Variants in KCNAB3 observed in about 807,000 individuals in gnomAD.
KCNAB3 encodes the protein voltage-gated potassium channel subunit beta-3.
Under a neutral mutation model 67.7 loss-of-function variants are expected in KCNAB3, and 62 were observed. The observed-to-expected ratio is 0.92, with a 90% CI of 0.75 to 1.13. The LOEUF is 1.13. Ranked by LOEUF, KCNAB3 falls within the 50% of genes most tolerant of loss-of-function variation. KCNAB3 has a pLI of 0.00. For missense variants in KCNAB3, 514 were observed against 522.9 expected (o/e 0.98, Z 0.17); for synonymous variants, 212 against 205.4 (o/e 1.03, Z -0.27).
intron 4 of KCNAB3, chr17:7,927,089 C>T (rs1233606495): frequency 4.0e-6 from 2 of 498,476 alleles, no homozygotes; most frequent in East Asian, 6.8e-5. Flanking sequence ...TTTGTAGTTG[C>T]ACATAACTAA....
At chr17:7,927,226 G>T in intron 4 of KCNAB3, 118 bp downstream of exon 4, 2 of 957,750 alleles carry the variant, frequency 2.1e-6, no homozygotes, top group Non-Finnish European at 3.3e-6. Context: ...TCCGCCAAAA[G>T]GTTGGAACTT....
chr17:7,924,697 A>G, intron 8 of KCNAB3, 197 bp from the exon 9 acceptor site: 2 of 1,360,180 alleles, frequency 1.5e-6, no homozygotes, highest in African/African-American at 2.9e-5. Context: ...AGGCCTTCTG[A>G]GCAGGGGCTG....
chr17:7,923,595 T>A (rs556201928), intron 12 of KCNAB3, 51 bp from the exon 13 acceptor site: 9 of 1,561,822 alleles, frequency 5.8e-6, no homozygotes, highest in Middle Eastern at 1.7e-4. Context: ...AGTGACCACA[T>A]AGATTTCAGA....
chr17:7,926,231 T>G lies in KCNAB3; in HGVS notation c.405-128A>C, dbSNP rs563101432. On this transcript the variant is annotated intron_variant, in intron 4 of 13. Coordinates refer to ENST00000303790, the MANE Select transcript of KCNAB3 (RefSeq NM_004732.4). ...GAGTCCATTTCAGCTCACAGCCCCA[T>G]CCTGGACAAAATAAGAGGTCTGTTG... The G allele has an allele frequency of 1.2e-3, 1,196 of 999,274 alleles. 19 individuals carry two copies. In the South Asian group the frequency reaches 0.016, roughly 14 times the overall value. 61.9% of individuals were successfully genotyped at this position (999,274 alleles called of 1,614,324 possible). A position where few individuals can be genotyped will look rare whatever the true frequency, so the allele number is the denominator to read the frequency against.
chr17:7,926,884 T>C (rs765669801), intron 4 of KCNAB3, among the ~76,000 whole-genome samples: 2 of 152,094 alleles, frequency 1.3e-5, no homozygotes, highest in East Asian at 1.9e-4. Context: ...CAGTCCACAG[T>C]GCTTTAGGAG....
In KCNAB3 at chr17:7,923,699, G is replaced by T; in HGVS notation, c.1048+12C>A. 1 of 1,556,480 alleles carries T rather than the reference G, an allele frequency of 6.4e-7. No homozygotes were observed. The highest frequency in any genetic ancestry group is 1.4e-5 in the African/African-American group (1 of 73,516). On this transcript the variant is annotated intron_variant, in intron 12 of 13. Transcript: ENST00000303790. The stretch of plus-strand genomic sequence containing the variant: ...GGAGGAGACAGGGCCCCTGCAGGGT[G>T]CAATGTCTCACCAATAGCAAGCTGG...
Position 7,929,802 on chromosome 17 carries a change from C to G in KCNAB3, c.-367G>C. On this transcript the variant is annotated 5_prime_UTR_variant, in exon 1 of 14. Transcript: ENST00000303790. The surrounding 1 kb of genome is among the most constrained non-coding windows in gnomAD (Gnocchi z 5.7). ...GCGGGAGAGAGATGCCACTTCAGCG[C>G]GAACCGCTGCGGGACCCGCTGGGCT... 1 of 1,064,156 alleles carries G rather than the reference C, an allele frequency of 9.4e-7. No homozygotes were observed. The highest frequency in any genetic ancestry group is 1.1e-6 in the Non-Finnish European group (1 of 878,460). 65.9% of individuals were successfully genotyped at this position (1,064,156 alleles called of 1,614,324 possible). A position where few individuals can be genotyped will look rare whatever the true frequency, so the allele number is the denominator to read the frequency against.
At position 7,929,366 on chromosome 17, in the gene KCNAB3, G is replaced by A. The variant is rs763853456; in HGVS notation, c.70C>T (p.Pro24Ser). The change falls in exon 1 of 14, where the codon CCC becomes TCC. Residue 24 changes from proline (P) to serine (S), a missense_variant. By Grantham distance (74) the Pro-to-Ser change is moderately conservative. Transcript: ENST00000303790. The surrounding 1 kb of genome is among the most constrained non-coding windows in gnomAD (Gnocchi z 5.7). ...SRSSEDRLCGPRPGPGGGNGG... is the reference protein window; with the variant it reads ...SRSSEDRLCGSRPGPGGGNGG... ...TTACCGCCCCCGGGGCCCGGCCGGG[G>A]TCCACACAGACGGTCCTCACTGCTC... 6.5e-6 allele frequency: 10 copies of A among 1,549,078 alleles called. No homozygotes were observed. Among genetic ancestry groups the A allele is most frequent in the South Asian group, 3.6e-5 (3 of 84,094 alleles).
Position 7,929,453 on chromosome 17 carries a change from G to C in KCNAB3, c.-18C>G, listed in dbSNP as rs769942130. 1.3e-6 allele frequency: 2 copies of C among 1,545,802 alleles called. No homozygotes were observed. The highest frequency in any genetic ancestry group is 2.4e-5 in the South Asian group (2 of 83,890). On this transcript the variant is annotated 5_prime_UTR_variant, in exon 1 of 14. Transcript: ENST00000303790. The surrounding 1 kb of genome is among the most constrained non-coding windows in gnomAD (Gnocchi z 5.7). ...ACCTGCATGCTGGCTGGCCGAGGCG[G>C]GGGAGGGGGCTCCGAGGGGACGGGA...
intron 8 of KCNAB3, 117 bp from the exon 9 acceptor site, chr17:7,924,617 G>A: frequency 7.0e-7 from 1 of 1,437,518 alleles, no homozygotes; most frequent in South Asian, 1.6e-5. Flanking sequence ...AGTCATGAAA[G>A]TTAATATCTA....
At position 7,929,600 on chromosome 17, in the gene KCNAB3, G is replaced by A. The variant is rs1162847659; in HGVS notation, c.-165C>T. ...CAGGCAGGATCGGGCCCGCGGGGGC[G>A]GGCTGCTGGAGGTCGCGAGGTTTGC... On this transcript the variant is annotated 5_prime_UTR_variant, in exon 1 of 14. Coordinates refer to ENST00000303790, the MANE Select transcript of KCNAB3 (RefSeq NM_004732.4). The surrounding 1 kb of genome is among the most constrained non-coding windows in gnomAD (Gnocchi z 5.7). The A allele has an allele frequency of 3.5e-6, 5 of 1,436,716 alleles. No homozygotes were observed. The highest frequency in any genetic ancestry group is 2.6e-4 in the Middle Eastern group (1 of 3,886). 89.0% of individuals were successfully genotyped at this position (1,436,716 alleles called of 1,614,324 possible).
chr17:7,923,600 T>G (rs1972121839), intron 12 of KCNAB3, 56 bp from the exon 13 acceptor site: 1 of 1,559,472 alleles, frequency 6.4e-7, no homozygotes, highest in African/African-American at 1.4e-5. Context: ...CCACATAGAT[T>G]TCAGAAGTGT....
rs112523566 is a variant in KCNAB3 at position 7,922,448 on chromosome 17, T to C, written c.*654A>G. ...GTTTTCCAAGGACCACCCCGGCCAC[T>C]TTCACCAGACTGCAGCGTAGATGTG... On this transcript the variant is annotated 3_prime_UTR_variant, in exon 14 of 14. Transcript: ENST00000303790. 432 of 152,342 alleles carry C rather than the reference T, an allele frequency of 2.8e-3. No homozygotes were observed. Among genetic ancestry groups the C allele is most frequent in the Non-Finnish European group, 4.4e-3 (298 of 68,052 alleles). The allele number at this position is 152,342 out of a possible 1,614,324, so 9.4% of individuals were successfully genotyped here. A position where few individuals can be genotyped will look rare whatever the true frequency, so the allele number is the denominator to read the frequency against.
At chr17:7,923,308 T>G (rs1598031773) in intron 13 of KCNAB3, 129 bp from the exon 14 acceptor site, 1 of 1,244,024 alleles carries the variant, frequency 8.0e-7, no homozygotes, top group South Asian at 1.2e-5. Flanking sequence ...GCTGTGCCGG[T>G]GCCTCGCTTT....
At chr17:7,927,599 C>T (rs1351845892) in intron 3 of KCNAB3, 58 bp downstream of exon 3, 2 of 1,601,352 alleles carry the variant, frequency 1.2e-6, no homozygotes, top group Non-Finnish European at 1.7e-6. Flanking sequence ...AGGTTCACTT[C>T]CCTTTTTTCA....
intron 4 of KCNAB3, 76 bp from the exon 5 acceptor site, chr17:7,926,179 T>C: frequency 6.4e-7 from 1 of 1,551,500 alleles, no homozygotes; most frequent in Non-Finnish European, 8.9e-7. Context: ...CACCTTTTCC[T>C]CTCTTGCAAA....
Position 7,922,936 on chromosome 17 carries a change from G to A in KCNAB3, c.*166C>T. On this transcript the variant is annotated 3_prime_UTR_variant, in exon 14 of 14. Transcript: ENST00000303790. ...CTCGACCCCACTGCAAAAGGATATG[G>A]CTTTGTTCATGCGTATCACTACTCG... is the stretch of plus-strand genomic sequence containing the variant. 1.5e-6 allele frequency: 1 copy of A among 656,602 alleles called. No homozygotes were observed. Among genetic ancestry groups the A allele is most frequent in the Non-Finnish European group, 2.7e-6 (1 of 364,406 alleles). 40.7% of individuals were successfully genotyped at this position (656,602 alleles called of 1,614,324 possible). A position where few individuals can be genotyped will look rare whatever the true frequency, so the allele number is the denominator to read the frequency against.
In KCNAB3 at chr17:7,929,841, G is replaced by GCAGC. The variant is rs1972368073; in HGVS notation, c.-410_-407dup. On this transcript the variant is annotated 5_prime_UTR_variant, in exon 1 of 14. Coordinates refer to ENST00000303790, the MANE Select transcript of KCNAB3 (RefSeq NM_004732.4). This position sits in a 1 kb window ranked among gnomAD's most constrained non-coding sequence, Gnocchi z 5.7. ...ACCCGCTGGGCTCCCAGCCGCGTCGGCAGCGGGCCCAGCTCATCAGCATGC... is the reference window on the plus strand; with the variant it reads ...ACCCGCTGGGCTCCCAGCCGCGTCGGCAGCCAGCGGGCCCAGCTCATCAGCATGC... 1 of 1,076,380 alleles carries GCAGC rather than the reference G, an allele frequency of 9.3e-7. No individual in the cohort carries two copies. The highest frequency in any genetic ancestry group is 2.6e-5 in the South Asian group (1 of 38,134). The allele number at this position is 1,076,380 out of a possible 1,614,324, so 66.7% of individuals were successfully genotyped here.
intron 9 of KCNAB3, 60 bp from the exon 10 acceptor site, chr17:7,924,325 C>T: frequency 6.2e-7 from 1 of 1,611,476 alleles, no homozygotes; most frequent in Non-Finnish European, 8.5e-7. Context: ...TCTTCTCTGC[C>T]TTCTCCCCCA....
Sources: allele counts gnomAD v4.1 joint callset (sites outside exome capture counted in the v4.1 genomes callset), GRCh38; gene constraint gnomAD v4.1.1; non-coding constraint Gnocchi (gnomAD v3.1); transcripts MANE v1.5; gene names NCBI Gene and HGNC (gene_info 2026-07-23, HGNC 2026-07-21).